DUS2: variants seen among roughly 807,000 people sequenced by gnomAD.
DUS2 encodes tRNA-dihydrouridine(20) synthase [NAD(P)+]-like.
A neutral mutation model predicts 71.3 loss-of-function variants in DUS2; 52 were observed. That is an observed-to-expected ratio of 0.73 (90% confidence interval 0.58 to 0.92). The LOEUF is 0.92. Among genes scored for constraint, DUS2 ranks in the 40% least tolerant of loss-of-function variants. The pLI is 0.00. For synonymous variants in DUS2, 204 were observed against 227.8 expected, an observed-to-expected ratio of 0.90 and a Z score of 0.94; for missense variants, 558 against 622.6, an observed-to-expected ratio of 0.90 and a Z score of 1.10.
intron 3 of DUS2, among the ~76,000 whole-genome samples, chr16:68,046,700 A>G (rs941323736): frequency 1.3e-5 from 2 of 151,526 alleles, no homozygotes; most frequent in Non-Finnish European, 2.9e-5. Context: ...TTTCCTTATA[A>G]TACTTTTTAT....
In DUS2 at chr16:68,073,965, C is replaced by T. The variant is rs1180884952; in HGVS notation, c.811-69C>T. ...CTGGTGCCTTCTTGGAGCTCCTTTC[C>T]CTGCCATCAGAGCATAGCCCAGGCC... On this transcript the variant is annotated intron_variant, in intron 12 of 16. Transcript: ENST00000565263. The T allele has an allele frequency of 7.5e-6, 12 of 1,592,922 alleles. No homozygotes were observed. In the East Asian group the frequency reaches 2.7e-4, roughly 36 times the overall value.
intron 3 of DUS2, 87 bp from the exon 4 acceptor site, chr16:68,049,418 C>A (rs985083606): frequency 5.0e-5 from 71 of 1,416,568 alleles, no homozygotes; most frequent in Non-Finnish European, 6.5e-5. Context: ...ACTGGCCAAG[C>A]GATCCTCATT....
chr16:68,053,764 A>G (rs1484485984), intron 5 of DUS2, 109 bp downstream of exon 5: 2 of 1,096,174 alleles, frequency 1.8e-6, no homozygotes, highest in Non-Finnish European at 1.4e-6. Flanking sequence ...ACATTGTACA[A>G]CGATGGCTTC....
At chr16:68,054,810 T>C (rs2033828648) in intron 6 of DUS2, among the ~76,000 whole-genome samples, 193 bp downstream of exon 6, 1 of 152,136 alleles carries the variant, frequency 6.6e-6, no homozygotes, top group Non-Finnish European at 1.5e-5. Flanking sequence ...TTTGGGAGGC[T>C]GAGGCAGGTG....
chr16:68,050,503 C>G (rs2033763806), intron 4 of DUS2, among the ~76,000 whole-genome samples: 2 of 151,944 alleles, frequency 1.3e-5, no homozygotes, highest in Admixed American at 1.3e-4. Flanking sequence ...TCTGTGTAAC[C>G]TAGAAAATGA....
intron 12 of DUS2, 79 bp downstream of exon 12, chr16:68,071,187 C>A (rs888310814): frequency 3.4e-6 from 5 of 1,467,814 alleles, no homozygotes; most frequent in Non-Finnish European, 4.7e-6. Flanking sequence ...GTGTGAGCCC[C>A]CAGCTGCCAG....
At chr16:68,033,058 TC>T (rs1308261679) in intron 2 of DUS2, among the ~76,000 whole-genome samples, 1 of 152,090 alleles carries the variant, frequency 6.6e-6, no homozygotes, top group African/African-American at 2.4e-5. Flanking sequence ...TTAGGATTTT[TC>T]CTAAAGTCAG....
chr16:68,076,533 C>T (rs991283117), intron 14 of DUS2, 99 bp from the exon 15 acceptor site: 5 of 871,244 alleles, frequency 5.7e-6, no homozygotes, highest in Non-Finnish European at 9.2e-6. Context: ...CTCAGTTCCT[C>T]TCATTTCTGC....
intron 8 of DUS2, among the ~76,000 whole-genome samples, chr16:68,065,201 T>TTAGA (rs1225212726): frequency 6.6e-6 from 1 of 152,196 alleles, no homozygotes; most frequent in Admixed American, 6.5e-5. Flanking sequence ...AAATATGTGC[T>TTAGA]TATCTTATGA....
intron 2 of DUS2, among the ~76,000 whole-genome samples, chr16:68,030,551 A>C (rs2033421918): frequency 6.6e-6 from 1 of 152,128 alleles, no homozygotes; most frequent in Admixed American, 6.6e-5. Context: ...AGATCATGCC[A>C]CTGTACTCTA....
intron 7 of DUS2, among the ~76,000 whole-genome samples, chr16:68,060,633 C>A (rs1481437517): frequency 6.6e-6 from 1 of 152,144 alleles, no homozygotes; most frequent in Non-Finnish European, 1.5e-5. Flanking sequence ...TAAAAGTCAT[C>A]ACTCTGGTCT....
At chr16:68,042,412 T>G (rs2033638426) in intron 3 of DUS2, among the ~76,000 whole-genome samples, 1 of 152,232 alleles carries the variant, frequency 6.6e-6, no homozygotes, top group African/African-American at 2.4e-5. Flanking sequence ...TATGGTGGTT[T>G]TTAATTTTTT....
intron 2 of DUS2, among the ~76,000 whole-genome samples, chr16:68,030,758 G>A (rs1288967237): frequency 6.6e-6 from 1 of 151,872 alleles, no homozygotes; most frequent in Non-Finnish European, 1.5e-5. Flanking sequence ...TGGAGACAGG[G>A]CCTTGCTCTG....
intron 7 of DUS2, among the ~76,000 whole-genome samples, chr16:68,057,613 C>T (rs2033879511): frequency 6.6e-6 from 1 of 151,702 alleles, no homozygotes; most frequent in African/African-American, 2.4e-5. Flanking sequence ...GGCCTGGTGG[C>T]TCATGCCTGT....
At chr16:68,040,720 G>GC (rs900224661) in intron 3 of DUS2, among the ~76,000 whole-genome samples, 2 of 151,886 alleles carry the variant, frequency 1.3e-5, no homozygotes, top group Admixed American at 6.6e-5. Context: ...CTGGGACTGG[G>GC]CCCCCGGGCA....
chr16:68,076,696 T>C lies in DUS2; in HGVS notation c.1147T>C (p.Leu383=). 1 of 1,614,006 alleles carries C rather than the reference T, an allele frequency of 6.2e-7. No individual in the cohort carries two copies. The highest frequency in any genetic ancestry group is 8.5e-7 in the Non-Finnish European group (1 of 1,179,922). ...ACTAGAGTGGTGCCGGAGGGAGAAG[T>C]TGGCACAGCCTGTGTATGAAACGGT... ...CLLEWCRREK[L]AQPVYETVQR... is the part of the protein sequence containing the mutation. Residue 383 remains leucine (L), a synonymous_variant, in exon 15 of 17, where the codon TTG becomes CTG. Transcript: ENST00000565263.
intron 2 of DUS2, among the ~76,000 whole-genome samples, chr16:68,034,139 C>A (rs1192106417): frequency 6.6e-6 from 1 of 152,062 alleles, no homozygotes; most frequent in Non-Finnish European, 1.5e-5. Context: ...GATATCAGCT[C>A]AGCTCGGCAA....
chr16:68,074,147 G>C lies in DUS2; in HGVS notation c.924G>C (p.Arg308=), dbSNP rs747357686. The change falls in exon 13 of 17, where the codon CGG becomes CGC. Residue 308 remains arginine (R), a synonymous_variant. Transcript: ENST00000565263. ...GRLLHAAQSS[R]EICEAFGLGA... ...TGCTCCATGCTGCCCAGTCTTCCCG[G>C]GAAATTTGGTAAGAGGCACAATAAG... is the stretch of plus-strand genomic sequence containing the variant. The C allele has an allele frequency of 1.9e-6, 3 of 1,614,098 alleles. No individual in the cohort carries two copies. Among genetic ancestry groups the C allele is most frequent in the Non-Finnish European group, 2.5e-6 (3 of 1,179,970 alleles).
In DUS2 at chr16:68,071,016, A is replaced by T. The variant is rs748144761; in HGVS notation, c.718A>T (p.Met240Leu). The stretch of plus-strand genomic sequence containing the variant: ...ACAAGCCACGGCAGCCTCTTCCGTG[A>T]TGGTGGCCCGAGCAGCCATGTGGAA... ...FRQATAASSV[M>L]VARAAMWNPS... The change falls in exon 12 of 17, where the codon ATG becomes TTG. Residue 240 changes from methionine to leucine, a missense_variant. By Grantham distance (15) the Met-to-Leu change is conservative. Transcript: ENST00000565263. 1 of 1,614,206 alleles carries T rather than the reference A, an allele frequency of 6.2e-7. No homozygotes were observed. The highest frequency in any genetic ancestry group is 1.7e-5 in the Admixed American group (1 of 60,022).
Sources: gnomAD v4.1 joint callset for allele counts (sites outside exome capture counted in the v4.1 genomes callset) on GRCh38, gnomAD v4.1.1 for gene constraint, MANE v1.5 for transcripts, NCBI Gene and HGNC (gene_info 2026-07-23, HGNC 2026-07-21) for gene names.